Variants in RPS3 observed in about 807,000 individuals in gnomAD.
RPS3 encodes the protein ribosomal protein S3, also known as small ribosomal subunit protein uS3.
A neutral mutation model predicts 25.8 loss-of-function variants in RPS3; 2 were observed. The observed-to-expected ratio is 0.08, with a 90% confidence interval of 0.03 to 0.24. The LOEUF (loss-of-function observed/expected upper bound fraction) is 0.24, where lower values mean the gene tolerates loss of function less well. Among genes scored for constraint, RPS3 ranks in the 10% least tolerant of loss-of-function variants. RPS3 has a pLI of 1.00. For synonymous variants in RPS3, 114 were observed against 114.2 expected, an observed-to-expected ratio of 1.00 and a Z score of 0.01; for missense variants, 107 against 307.1, an observed-to-expected ratio of 0.35 and a Z score of 4.87.
At chr11:75,409,013 C>G (rs1948316319), downstream of RPS3, among the ~76,000 whole-genome samples, 2 of 152,170 alleles carry the variant, frequency 1.3e-5, no homozygotes, top group African/African-American at 4.8e-5. Context: ...CAGGGTCTGG[C>G]TCTATTGCCC....
chr11:75,399,612 G>C, intron 1 of RPS3, 35 bp downstream of exon 1: 1 of 1,603,748 alleles, frequency 6.2e-7, no homozygotes, highest in Non-Finnish European at 8.5e-7. Flanking sequence ...GAGAACGACG[G>C]CGCCGCGCGG....
chr11:75,401,497 A>G (rs752674680), intron 2 of RPS3, 143 bp from the exon 3 acceptor site: 3 of 632,346 alleles, frequency 4.7e-6, no homozygotes, highest in Non-Finnish European at 8.4e-6. Context: ...CTCAAAAAAA[A>G]AAGCTGCGTT....
chr11:75,405,094 C>G, intron 6 of RPS3: 1 of 391,610 alleles, frequency 2.6e-6, no homozygotes, highest in East Asian at 3.9e-5. Context: ...TGCTTTTACT[C>G]GTGTATATGA....
intron 1 of RPS3, 40 bp from the exon 2 acceptor site, chr11:75,400,654 A>G (rs1177922066): frequency 1.9e-6 from 3 of 1,604,592 alleles, no homozygotes; most frequent in South Asian, 1.1e-5. Flanking sequence ...GTGAGCCTAC[A>G]CCGATCTCCT....
intron 3 of RPS3, 89 bp downstream of exon 3, chr11:75,401,822 C>A: frequency 1.3e-6 from 1 of 787,770 alleles, no homozygotes; most frequent in South Asian, 1.4e-5. Flanking sequence ...ATTGTTTGTT[C>A]ATTACAAATG....
chr11:75,403,370 A>G (rs536796663), intron 4 of RPS3: 1 of 152,392 alleles, frequency 6.6e-6, no homozygotes, highest in East Asian at 1.9e-4. Flanking sequence ...GTTATCTTCT[A>G]AGGTGGACCA....
intron 6 of RPS3, among the ~76,000 whole-genome samples, chr11:75,416,458 CT>C (rs1303492004): frequency 7.9e-6 from 1 of 125,976 alleles, no homozygotes; most frequent in African/African-American, 3.6e-5. Flanking sequence ...TTGATTATTT[CT>C]ATTTTTTTTT....
intron 1 of RPS3, 188 bp downstream of exon 1, chr11:75,399,765 C>T: frequency 3.4e-6 from 2 of 589,968 alleles, no homozygotes; most frequent in East Asian, 3.0e-5. Context: ...CGCTGTGTGG[C>T]CGGGTTCCAA....
chr11:75,404,631 T>G lies in RPS3; in HGVS notation c.539-41T>G. ...TTTGGTCTTGTGTGATGGGGGCCTTTGAGACCCCAGCTGTGTGCTAACAAC... is the reference window on the plus strand; with the variant it reads ...TTTGGTCTTGTGTGATGGGGGCCTTGGAGACCCCAGCTGTGTGCTAACAAC... On this transcript the variant is annotated intron_variant, in intron 5 of 6. Coordinates refer to ENST00000531188, the MANE Select transcript of RPS3 (RefSeq NM_001005.5). The surrounding 1 kb of genome is among the most constrained non-coding windows in gnomAD (Gnocchi z 4.6). 1 of 1,579,300 alleles carries G rather than the reference T, an allele frequency of 6.3e-7. No homozygotes were observed. Among genetic ancestry groups the G allele is most frequent in the Non-Finnish European group, 8.7e-7 (1 of 1,151,982 alleles).
Position 75,400,739 on chromosome 11 carries a change from A to T in RPS3, c.76A>T (p.Thr26Ser). 1 of 1,613,272 alleles carries T rather than the reference A, an allele frequency of 6.2e-7. No individual in the cohort carries two copies. Among genetic ancestry groups the T allele is most frequent in the Non-Finnish European group, 8.5e-7 (1 of 1,179,810 alleles). ...CAAAGCTGAACTGAATGAGTTTCTT[A>T]CTCGGGAGCTGGCTGAAGATGGCTA... is the stretch of plus-strand genomic sequence containing the variant. ...IFKAELNEFLTRELAEDGYSG... is the reference protein window; with the variant it reads ...IFKAELNEFLSRELAEDGYSG... The change falls in exon 2 of 7, where the codon ACT (threonine) becomes TCT (serine). Residue 26 changes from threonine (T) to serine (S), a missense_variant. Coordinates refer to ENST00000531188, the MANE Select transcript of RPS3 (RefSeq NM_001005.5).
intron 6 of RPS3, among the ~76,000 whole-genome samples, chr11:75,414,760 T>A (rs972644898): frequency 1.3e-5 from 2 of 152,224 alleles, no homozygotes; most frequent in African/African-American, 2.4e-5. Flanking sequence ...AGAGAACACC[T>A]GCTAGTAATG....
At chr11:75,400,910 T>C in intron 2 of RPS3, 86 bp downstream of exon 2, 1 of 1,447,166 alleles carries the variant, frequency 6.9e-7, no homozygotes, top group Non-Finnish European at 9.2e-7. Context: ...TGAGACGGAG[T>C]CTTGCTCTGT....
intron 2 of RPS3, among the ~76,000 whole-genome samples, chr11:75,401,190 C>G (rs2135050746): frequency 6.6e-6 from 1 of 152,288 alleles, no homozygotes; most frequent in Non-Finnish European, 1.5e-5. Context: ...CAGGTTTATC[C>G]TTTATGAACT....
In RPS3 at chr11:75,400,846, AT is replaced by A. The variant is rs762052892; in HGVS notation, c.161+23del. ...CCAGGTAAAACTCATTTGACTGGCCATCACCTATAATTGTTATAAATGCTAA... is the reference window on the plus strand; with the variant it reads ...CCAGGTAAAACTCATTTGACTGGCCACACCTATAATTGTTATAAATGCTAA... On this transcript the variant is annotated intron_variant, in intron 2 of 6. Transcript: ENST00000531188. The A allele has an allele frequency of 2.5e-6, 4 of 1,605,432 alleles. No individual in the cohort carries two copies. In the East Asian group the frequency reaches 9.0e-5, roughly 36 times the overall value.
chr11:75,416,293 T>C (rs557096511), intron 6 of RPS3, among the ~76,000 whole-genome samples: 2 of 152,286 alleles, frequency 1.3e-5, no homozygotes, highest in Admixed American at 6.5e-5. Context: ...ATTCATGATA[T>C]TGGATTCTCC....
chr11:75,409,971 C>T (rs1209091255), downstream of RPS3, among the ~76,000 whole-genome samples: 86 of 119,026 alleles, frequency 7.2e-4, no homozygotes, highest in African/African-American at 2.6e-3. Flanking sequence ...CCGGACGGGG[C>T]GGCTGGCCGG....
At chr11:75,409,810 G>A (rs569035159), downstream of RPS3, among the ~76,000 whole-genome samples, 366 of 139,646 alleles carry the variant, frequency 2.6e-3, 2 homozygotes, top group African/African-American at 0.011. Flanking sequence ...TGGCTGGGCG[G>A]GGGGCTGACC....
chr11:75,412,181 A>C (rs919449505), intron 6 of RPS3, among the ~76,000 whole-genome samples: 1 of 152,216 alleles, frequency 6.6e-6, no homozygotes, highest in African/African-American at 2.4e-5. Flanking sequence ...AGTAGAACTT[A>C]GTTGAAACTT....
downstream of RPS3, among the ~76,000 whole-genome samples, chr11:75,408,035 T>C (rs769518243): frequency 1.3e-5 from 2 of 152,176 alleles, no homozygotes; most frequent in Non-Finnish European, 2.9e-5. Context: ...TACTGAATTA[T>C]TGGAAGAAAG....
Sources: allele counts gnomAD v4.1 joint callset (sites outside exome capture counted in the v4.1 genomes callset), GRCh38; gene constraint gnomAD v4.1.1; non-coding constraint Gnocchi (gnomAD v3.1); transcripts MANE v1.5; gene names NCBI Gene and HGNC (gene_info 2026-07-23, HGNC 2026-07-21).